AP3B1: variants seen among roughly 807,000 people sequenced by gnomAD.
AP3B1 encodes the protein AP-3 complex subunit beta-1.
In AP3B1, 61 loss-of-function variants were observed where a neutral mutation model predicts 132.5. The observed-to-expected ratio is 0.46, with a 90% CI of 0.37 to 0.57. The LOEUF is 0.57. AP3B1 is among the 20% of genes least tolerant of loss of function. AP3B1 has a pLI of 0.00. For synonymous variants in AP3B1, 388 were observed against 438.3 expected, an observed-to-expected ratio of 0.89 and a Z score of 1.43; for missense variants, 1,120 against 1,289.4, an observed-to-expected ratio of 0.87 and a Z score of 2.01.
intron 22 of AP3B1, chr5:78,043,272 G>T: frequency 6.2e-6 from 1 of 161,122 alleles, no homozygotes; most frequent in Non-Finnish European, 1.3e-5. Context: ...TGGGACCTAA[G>T]GTGCGCACCA....
At chr5:78,108,843 A>C (rs1751453758) in intron 20 of AP3B1, among the ~76,000 whole-genome samples, 1 of 152,152 alleles carries the variant, frequency 6.6e-6, no homozygotes, top group Admixed American at 6.5e-5. Context: ...GGGATCCTAA[A>C]GCTCTGCTTC....
intron 7 of AP3B1, among the ~76,000 whole-genome samples, chr5:78,200,112 C>T (rs1745230641): frequency 6.6e-6 from 1 of 151,920 alleles, no homozygotes; most frequent in Admixed American, 6.6e-5. Flanking sequence ...TAGAACCCTA[C>T]AGAAATGAAA....
intron 22 of AP3B1, among the ~76,000 whole-genome samples, chr5:78,083,005 C>T (rs1032172711): frequency 3.3e-5 from 5 of 152,100 alleles, no homozygotes; most frequent in African/African-American, 4.8e-5. Flanking sequence ...TTAGTAGAAA[C>T]GGGGTTTCAC....
At chr5:78,256,400 A>G (rs1026551655) in intron 2 of AP3B1, among the ~76,000 whole-genome samples, 2 of 152,296 alleles carry the variant, frequency 1.3e-5, no homozygotes, top group Middle Eastern at 3.4e-3. Context: ...ATATATGCCA[A>G]TAAATTGGAA....
chr5:78,120,481 T>C (rs1752122510), intron 17 of AP3B1, among the ~76,000 whole-genome samples: 1 of 151,748 alleles, frequency 6.6e-6, no homozygotes. Context: ...AAACTCAAAA[T>C]AAAGGGATGG....
chr5:78,151,534 AT>A (rs1006741195), intron 14 of AP3B1, among the ~76,000 whole-genome samples: 2 of 152,084 alleles, frequency 1.3e-5, no homozygotes, highest in Non-Finnish European at 2.9e-5. Context: ...TGTTCCTTCT[AT>A]CCCCAGTTTT....
intron 24 of AP3B1, among the ~76,000 whole-genome samples, chr5:78,024,783 G>T (rs553516119): frequency 1.3e-5 from 2 of 150,996 alleles, no homozygotes; most frequent in Admixed American, 1.3e-4. Flanking sequence ...GGCTAGTCTC[G>T]AACTCCTGAC....
At chr5:78,229,186 T>A (rs1178694177) in intron 3 of AP3B1, among the ~76,000 whole-genome samples, 1 of 152,134 alleles carries the variant, frequency 6.6e-6, no homozygotes, top group Non-Finnish European at 1.5e-5. Flanking sequence ...TCCTCCCACC[T>A]CAGCCTCCCA....
At chr5:78,005,011 T>A (rs1370175730) in intron 26 of AP3B1, among the ~76,000 whole-genome samples, 1 of 152,202 alleles carries the variant, frequency 6.6e-6, no homozygotes. Flanking sequence ...TTTATGCATT[T>A]CTTTTGTCTA....
intron 17 of AP3B1, among the ~76,000 whole-genome samples, chr5:78,118,921 C>G (rs1752004704): frequency 6.6e-6 from 1 of 152,216 alleles, no homozygotes; most frequent in African/African-American, 2.4e-5. Context: ...GGGAGGCACC[C>G]CCCAGTAGGG....
chr5:78,003,982 T>G (rs545978600), intron 26 of AP3B1, among the ~76,000 whole-genome samples: 2 of 152,250 alleles, frequency 1.3e-5, no homozygotes, highest in South Asian at 2.1e-4. Flanking sequence ...ACACACTTTT[T>G]GGGGGAGGGG....
chr5:78,003,207 T>C (rs1746256967), intron 26 of AP3B1, 152 bp from the exon 27 acceptor site: 2 of 889,166 alleles, frequency 2.2e-6, no homozygotes, highest in South Asian at 3.5e-5. Context: ...CCAAGCATTC[T>C]TCTGAAAAAT....
At position 78,128,161 on chromosome 5, in the gene AP3B1, C is replaced by G; in HGVS notation, c.1838-1G>C. Reference sequence around the variant, plus strand: ...GTGCCAAGCTGGAAATGATCTCTATCTATTAAAAATAGGGAAAAATATAAA... The same window carrying G: ...GTGCCAAGCTGGAAATGATCTCTATGTATTAAAAATAGGGAAAAATATAAA... On this transcript the variant is annotated splice_acceptor_variant, in intron 16 of 26. Coordinates refer to ENST00000255194, the MANE Select transcript of AP3B1 (RefSeq NM_003664.5). LOFTEE classifies it high-confidence loss of function. 6.3e-7 allele frequency: 1 copy of G among 1,598,306 alleles called. No individual in the cohort carries two copies. Among genetic ancestry groups the G allele is most frequent in the Non-Finnish European group, 8.6e-7 (1 of 1,166,738 alleles).
chr5:78,121,200 AG>A (rs1752175006), intron 17 of AP3B1, among the ~76,000 whole-genome samples: 1 of 152,194 alleles, frequency 6.6e-6, no homozygotes, highest in Admixed American at 6.5e-5. Flanking sequence ...AGCAGTGTGT[AG>A]AGGGAAATTT....
chr5:78,019,745 G>A (rs1352252748), intron 25 of AP3B1, among the ~76,000 whole-genome samples: 1 of 152,080 alleles, frequency 6.6e-6, no homozygotes, highest in Non-Finnish European at 1.5e-5. Flanking sequence ...CAAAGGCTTA[G>A]AGTAAAAACA....
chr5:78,095,592 G>A (rs1228286444), intron 21 of AP3B1, among the ~76,000 whole-genome samples: 1 of 151,966 alleles, frequency 6.6e-6, no homozygotes, highest in Non-Finnish European at 1.5e-5. Context: ...CCTGAAGAGG[G>A]GTTTTCATCT....
At chr5:78,120,042 G>T (rs1282096) in intron 17 of AP3B1, among the ~76,000 whole-genome samples, 46,470 of 151,896 alleles carry the variant, frequency 0.31, 7,616 homozygotes, top group Admixed American at 0.41. Context: ...TATTCCACAT[G>T]CTTAAAGAAA....
rs986500759 is a variant in AP3B1, at chr5:78,068,914, A to C, written c.2577+20479T>G. Among the ~76,000 whole-genome samples, 4 of 152,238 alleles carry C rather than the reference A, an allele frequency of 2.6e-5. No individual in the cohort carries two copies. The East Asian group carries it at 7.7e-4, about 29-fold the overall frequency. ...GTCAGAAAGCTTACCCACCATGATT[A>C]AGTCAGCTTCATCCCCAGCATGCAA... On this transcript the variant is annotated intron_variant, in intron 22 of 26. Transcript: ENST00000255194.
At chr5:78,157,615 GA>G (rs1324173088) in intron 13 of AP3B1, among the ~76,000 whole-genome samples, 1 of 152,140 alleles carries the variant, frequency 6.6e-6, no homozygotes, top group Non-Finnish European at 1.5e-5. Context: ...TGATGCCAAA[GA>G]AATAAATCAA....
Sources: gnomAD v4.1 joint callset for allele counts (sites outside exome capture counted in the v4.1 genomes callset) on GRCh38, gnomAD v4.1.1 for gene constraint, MANE v1.5 for transcripts, NCBI Gene and HGNC (gene_info 2026-07-23, HGNC 2026-07-21) for gene names.